Variants in OGT observed in about 807,000 individuals in gnomAD.
OGT encodes the protein O-linked N-acetylglucosamine (GlcNAc) transferase, also known as UDP-N-acetylglucosamine--peptide N-acetylglucosaminyltransferase 110 kDa subunit.
A neutral mutation model predicts 75.8 loss-of-function variants in OGT; 3 were observed. The ratio of observed to expected loss-of-function variants is 0.04; its 90% confidence interval spans 0.02 to 0.10. OGT has a LOEUF of 0.10. Among genes scored for constraint, OGT ranks in the 10% least tolerant of loss-of-function variants. The pLI is 1.00. For missense variants in OGT, 260 were observed against 824.4 expected (o/e 0.32, Z 8.38); for synonymous variants, 257 against 289.7 (o/e 0.89, Z 1.15).
In OGT at chrX:71,559,818, C is replaced by G. The variant is rs754762611; in HGVS notation, c.1851+141C>G. ...ATTGTGTTGATCTTATTTCCTTGAT[C>G]ATTTGTGTTAATCAGCATGGCTTTT... On this transcript the variant is annotated intron_variant, in intron 14 of 21. Transcript: ENST00000373719. The G allele has an allele frequency of 8.7e-6, 4 of 459,101 alleles. No individual in the cohort carries two copies. In the Admixed American group the frequency reaches 1.7e-4, roughly 20 times the overall value. The allele number at this position is 459,101 out of a possible 1,213,427, so 37.8% of individuals were successfully genotyped here.
chrX:71,557,699 T>C (rs1428002823), intron 12 of OGT, 27 bp downstream of exon 12: 3 of 1,104,826 alleles, frequency 2.7e-6, no homozygotes, highest in East Asian at 6.1e-5. Flanking sequence ...TTAATCTTTT[T>C]GTTGTAAACT....
chrX:71,537,786 G>A, intron 2 of OGT, 43 bp from the exon 3 acceptor site: 1 of 1,200,204 alleles, frequency 8.3e-7, no homozygotes, highest in Non-Finnish European at 1.1e-6. Context: ...CTTCTTTTCT[G>A]TAACGTGCAT....
chrX:71,567,955 C>T (rs375983815), intron 20 of OGT, 38 bp from the exon 21 acceptor site: 13 of 1,187,213 alleles, frequency 1.1e-5, no homozygotes, highest in East Asian at 5.9e-5. Context: ...TGCTGTTTTA[C>T]GTTCTCAGAT....
chrX:71,539,273 T>G (rs1266080515), intron 3 of OGT, among the ~76,000 whole-genome samples: 1 of 113,008 alleles, frequency 8.8e-6, no homozygotes, highest in East Asian at 2.7e-4. Flanking sequence ...CCGAAGTCAC[T>G]TCTCATGATG....
In OGT at chrX:71,563,333, A is replaced by G; in HGVS notation, c.2270A>G (p.Lys757Arg). Residue 757 changes from lysine to arginine, a missense_variant, in exon 18 of 22, where the codon AAG becomes AGG. This residue lies in a region of OGT where 79 missense variants were observed against 141.0 expected (regional missense o/e 0.56). Transcript: ENST00000373719. ...SLPDVKIVKMKCPDGGDNADS... is the reference protein window; with the variant it reads ...SLPDVKIVKMRCPDGGDNADS... ...AATGATGCATTTTTTTTTCAGATGA[A>G]GTGTCCTGATGGAGGAGACAATGCA... 2 of 1,207,934 alleles carry G rather than the reference A, an allele frequency of 1.7e-6. No homozygotes were observed. Among genetic ancestry groups the G allele is most frequent in the Non-Finnish European group, 2.2e-6 (2 of 892,949 alleles).
At chrX:71,544,009 C>T (rs1284372182) in intron 3 of OGT, among the ~76,000 whole-genome samples, 2 of 109,629 alleles carry the variant, frequency 1.8e-5, no homozygotes, top group African/African-American at 3.3e-5. Context: ...TGATCTCGAA[C>T]TCCTGACCTC....
At chrX:71,554,868 T>TA (rs1292388941) in intron 6 of OGT, among the ~76,000 whole-genome samples, 1 of 112,073 alleles carries the variant, frequency 8.9e-6, no homozygotes, top group Non-Finnish European at 1.9e-5. Context: ...TTTCTTAGAC[T>TA]AAATTATTCC....
intron 4 of OGT, chrX:71,547,562 G>A (rs1409053962): frequency 2.2e-5 from 18 of 818,299 alleles, no homozygotes; most frequent in Non-Finnish European, 2.5e-5. Context: ...ACATGACAAG[G>A]GCCCGTAGTT....
intron 5 of OGT, among the ~76,000 whole-genome samples, chrX:71,552,520 G>A (rs1328687902): frequency 9.2e-6 from 1 of 108,280 alleles, no homozygotes; most frequent in Non-Finnish European, 1.9e-5. Flanking sequence ...TCCGGAGTAG[G>A]TGGGACTACA....
At chrX:71,565,599 A>C (rs2040411594) in intron 19 of OGT, among the ~76,000 whole-genome samples, 1 of 111,910 alleles carries the variant, frequency 8.9e-6, no homozygotes, top group Non-Finnish European at 1.9e-5. Flanking sequence ...CCAGTGTCTA[A>C]ATATGACATT....
At chrX:71,559,732 T>G in intron 14 of OGT, 55 bp downstream of exon 14, 3 of 912,446 alleles carry the variant, frequency 3.3e-6, no homozygotes, top group Non-Finnish European at 4.7e-6. Context: ...TAAATAAAAC[T>G]ATTAGCATAT....
At chrX:71,549,844 A>G (rs970654949) in intron 5 of OGT, among the ~76,000 whole-genome samples, 5 of 111,734 alleles carry the variant, frequency 4.5e-5, no homozygotes, top group African/African-American at 1.6e-4. Context: ...GGCAGATTCC[A>G]GGTCTGGGGC....
At position 71,568,097 on chromosome X, in the gene OGT, C is replaced by T. The variant is rs2040428130; in HGVS notation, c.2947C>T (p.Leu983=). The T allele has an allele frequency of 1.7e-6, 2 of 1,203,042 alleles. No homozygotes were observed. Among genetic ancestry groups the T allele is most frequent in the Admixed American group, 2.3e-5 (1 of 44,427 alleles). Residue 983 remains leucine (L), a synonymous_variant, in exon 21 of 22, where the codon CTG becomes TTG. Coordinates refer to ENST00000373719, the MANE Select transcript of OGT (RefSeq NM_181672.3). ...AGAATATGAAGACATAGCTGTGAAGCTGGGAACTGATCTAGAATAGTAAGT... is the reference window on the plus strand; with the variant it reads ...AGAATATGAAGACATAGCTGTGAAGTTGGGAACTGATCTAGAATAGTAAGT... ...RQEYEDIAVK[L]GTDLEYLKKV...
In OGT at chrX:71,558,548, A is replaced by C. The variant is rs181260039; in HGVS notation, c.1603-719A>C. The stretch of plus-strand genomic sequence containing the variant: ...GCTAATTTTTGTATTTTTAGTAGAG[A>C]TAGGGCTTTGCCATGCTAGGCTGGT... On this transcript the variant is annotated intron_variant, in intron 12 of 21. Coordinates refer to ENST00000373719, the MANE Select transcript of OGT (RefSeq NM_181672.3). Among the ~76,000 whole-genome samples, 10 of 108,025 alleles carry C rather than the reference A, an allele frequency of 9.3e-5. No individual in the cohort carries two copies. In the Admixed American group the frequency reaches 1.0e-3, roughly 11 times the overall value. The allele number at this position is 108,025 out of a possible 115,157, so 93.8% of individuals were successfully genotyped here. A position where few individuals can be genotyped will look rare whatever the true frequency, so the allele number is the denominator to read the frequency against.
chrX:71,568,889 CA>C (rs2040435029), intron 21 of OGT, among the ~76,000 whole-genome samples: 1 of 109,759 alleles, frequency 9.1e-6, no homozygotes, highest in African/African-American at 3.3e-5. Flanking sequence ...CAAAAAAAAC[CA>C]AAAAAAGAAC....
intron 14 of OGT, 74 bp from the exon 15 acceptor site, chrX:71,561,701 C>A: frequency 1.2e-6 from 1 of 862,599 alleles, no homozygotes; most frequent in Non-Finnish European, 1.6e-6. Flanking sequence ...AACTAAATGC[C>A]ATTAAAACTA....
At chrX:71,541,504 A>G (rs1366939646) in intron 3 of OGT, among the ~76,000 whole-genome samples, 1 of 111,602 alleles carries the variant, frequency 9.0e-6, no homozygotes, top group African/African-American at 3.3e-5. Flanking sequence ...CTGACCCGTA[A>G]AGGAAAAAAT....
chrX:71,555,664 A>C, intron 7 of OGT: 1 of 399,531 alleles, frequency 2.5e-6, no homozygotes, highest in Non-Finnish European at 4.3e-6. Flanking sequence ...TTGAGGCTGC[A>C]GTGGGCCATG....
rs184617448 is a variant in OGT, at chrX:71,569,758, C to T, written c.2966+1642C>T. Among the ~76,000 whole-genome samples the T allele has an allele frequency of 7.3e-4, 79 of 108,584 alleles. No individual in the cohort carries two copies. The East Asian group carries it at 0.018, about 25-fold the overall frequency. 94.3% of individuals were successfully genotyped at this position (108,584 alleles called of 115,157 possible). A position where few individuals can be genotyped will look rare whatever the true frequency, so the allele number is the denominator to read the frequency against. ...TTTCTTTTCCTTTTTTTTTTCTGGA[C>T]GGAGTCTCGCTCTGTCGCCCAGGCT... On this transcript the variant is annotated intron_variant, in intron 21 of 21. Coordinates refer to ENST00000373719, the MANE Select transcript of OGT (RefSeq NM_181672.3).
Sources: allele counts gnomAD v4.1 joint callset (sites outside exome capture counted in the v4.1 genomes callset), GRCh38; gene constraint gnomAD v4.1.1; regional missense constraint gnomAD v4.1.1; transcripts MANE v1.5; gene names NCBI Gene and HGNC (gene_info 2026-07-23, HGNC 2026-07-21).